Variants in LYRM4 observed in about 807,000 individuals in gnomAD.
LYRM4 encodes the protein LYR motif containing 4, also known as LYR motif-containing protein 4.
A neutral mutation model predicts 11.7 loss-of-function variants in LYRM4; 9 were observed. That is an observed-to-expected ratio of 0.77 (90% CI 0.46 to 1.34). The LOEUF (loss-of-function observed/expected upper bound fraction) is 1.34, where lower values mean the gene tolerates loss of function less well. Among genes scored for constraint, LYRM4 ranks in the 40% most tolerant of loss-of-function variants. The probability of loss-of-function intolerance (pLI) is 0.00; values close to 1 mark genes in which losing one functional copy is unlikely to be tolerated. For missense variants in LYRM4, 133 were observed against 112.5 expected, an observed-to-expected ratio of 1.18 and a Z score of -0.82; for synonymous variants, 42 against 40.4, an observed-to-expected ratio of 1.04 and a Z score of -0.15.
chr6:5,185,303 A>G (rs560501245), intron 2 of LYRM4, among the ~76,000 whole-genome samples: 1 of 152,304 alleles, frequency 6.6e-6, no homozygotes, highest in African/African-American at 2.4e-5. Context: ...GAAAGACAGA[A>G]AGCTGGCTAA....
At chr6:5,179,081 A>G (rs1759918299) in intron 2 of LYRM4, among the ~76,000 whole-genome samples, 1 of 147,426 alleles carries the variant, frequency 6.8e-6, no homozygotes, top group African/African-American at 2.5e-5. Flanking sequence ...AAAAAAAAAA[A>G]AAAAAAAAGA....
chr6:5,065,414 CTG>C, the LYRM4 span, among the ~76,000 whole-genome samples: 1 of 152,060 alleles, frequency 6.6e-6, no homozygotes, highest in Non-Finnish European at 1.5e-5. Flanking sequence ...TTTCAACAAA[CTG>C]AAATGCAAAA....
At chr6:5,113,842 C>T (rs1263302576) in intron 2 of LYRM4, among the ~76,000 whole-genome samples, 1 of 152,066 alleles carries the variant, frequency 6.6e-6, no homozygotes, top group African/African-American at 2.4e-5. Context: ...GCTGGGATTA[C>T]AGGCATGTGC....
chr6:5,115,281 C>T (rs1330994206), intron 2 of LYRM4, among the ~76,000 whole-genome samples: 2 of 152,166 alleles, frequency 1.3e-5, no homozygotes, highest in Non-Finnish European at 2.9e-5. Flanking sequence ...TCTTGCAAAA[C>T]TACTTTCCAG....
chr6:5,202,948 T>G (rs1490577636), intron 2 of LYRM4, among the ~76,000 whole-genome samples: 1 of 152,142 alleles, frequency 6.6e-6, no homozygotes, highest in Non-Finnish European at 1.5e-5. Context: ...CTGTGATAAG[T>G]GTGAGACAGA....
At chr6:5,148,265 G>T (rs1174559342) in intron 2 of LYRM4, 1 of 154,148 alleles carries the variant, frequency 6.5e-6, no homozygotes, top group Admixed American at 6.6e-5. Context: ...ACGCAGACTT[G>T]GTCCCCACCC....
intron 2 of LYRM4, among the ~76,000 whole-genome samples, chr6:5,176,854 GA>G (rs1174531383): frequency 3.9e-5 from 6 of 152,214 alleles, no homozygotes; most frequent in Admixed American, 1.3e-4. Flanking sequence ...GCATGAGGCA[GA>G]AGTATAAGTT....
intron 2 of LYRM4, among the ~76,000 whole-genome samples, chr6:5,191,357 A>G (rs1412219708): frequency 6.6e-6 from 1 of 152,230 alleles, no homozygotes; most frequent in Non-Finnish European, 1.5e-5. Flanking sequence ...AGCTCAGGGA[A>G]GCAATCTGAA....
intron 2 of LYRM4, among the ~76,000 whole-genome samples, chr6:5,164,906 T>C (rs1384911485): frequency 1.4e-5 from 2 of 144,026 alleles, no homozygotes; most frequent in African/African-American, 5.2e-5. Flanking sequence ...AGGCGGAGGT[T>C]GCAGTGAGCC....
At position 5,182,026 on chromosome 6, in the gene LYRM4, C is replaced by G. The variant is rs547661750; in HGVS notation, c.207+34592G>C. ...GAACCAAGCAAAAAAATACCTCCCC[C>G]CCAATCCCCAGACATACTTTGTAAT... On this transcript the variant is annotated intron_variant, in intron 2 of 2. Coordinates refer to ENST00000330636, the MANE Select transcript of LYRM4 (RefSeq NM_020408.6). Among the ~76,000 whole-genome samples the G allele has an allele frequency of 1.2e-4, 19 of 152,292 alleles. No individual in the cohort carries two copies. The South Asian group carries it at 3.7e-3, about 30-fold the overall frequency.
At chr6:5,142,420 A>G (rs1289356436) in intron 2 of LYRM4, among the ~76,000 whole-genome samples, 3 of 152,200 alleles carry the variant, frequency 2.0e-5, no homozygotes, top group African/African-American at 7.2e-5. Context: ...CCAATCTTCC[A>G]GCTGAGGTTC....
At chr6:5,108,387 T>C, downstream of LYRM4, 1 of 933,718 alleles carries the variant, frequency 1.1e-6, no homozygotes, top group Non-Finnish European at 1.3e-6. Flanking sequence ...AATATGTTCT[T>C]TCTATGTTTG....
the LYRM4 span, chr6:5,085,641 T>C: frequency 6.5e-7 from 1 of 1,548,704 alleles, no homozygotes; most frequent in Admixed American, 2.0e-5. Context: ...GTCCTGACGC[T>C]CAGCTAGGGG....
the LYRM4 span, among the ~76,000 whole-genome samples, chr6:5,091,013 G>A: frequency 6.6e-6 from 1 of 152,118 alleles, no homozygotes; most frequent in African/African-American, 2.4e-5. Context: ...TGGCATCATG[G>A]AACTGAATCA....
At chr6:5,196,135 A>G (rs1761038485) in intron 2 of LYRM4, among the ~76,000 whole-genome samples, 1 of 152,198 alleles carries the variant, frequency 6.6e-6, no homozygotes, top group Non-Finnish European at 1.5e-5. Context: ...ACGCTGGGGC[A>G]ACGTGGCTCC....
chr6:5,099,098 T>A (rs1762422514), downstream of LYRM4, among the ~76,000 whole-genome samples: 1 of 152,132 alleles, frequency 6.6e-6, no homozygotes, highest in Non-Finnish European at 1.5e-5. This position sits in a 1 kb window ranked among gnomAD's most constrained non-coding sequence, Gnocchi z 4.3. Flanking sequence ...GGCTTTCTTG[T>A]CTCTCTTCTT....
At chr6:5,077,292 C>T in the LYRM4 span, among the ~76,000 whole-genome samples, 1 of 152,226 alleles carries the variant, frequency 6.6e-6, no homozygotes, top group Non-Finnish European at 1.5e-5. Context: ...AACTGTCACA[C>T]GCGGTCATTT....
chr6:5,086,446 C>G, the LYRM4 span: 29 of 1,536,500 alleles, frequency 1.9e-5, no homozygotes, highest in African/African-American at 2.7e-5. Context: ...CGCCGACGAG[C>G]GCGGCGTCGC....
At chr6:5,251,197 G>T (rs955641963) in intron 1 of LYRM4, among the ~76,000 whole-genome samples, 2 of 152,188 alleles carry the variant, frequency 1.3e-5, no homozygotes, top group Non-Finnish European at 2.9e-5. Flanking sequence ...CACACTGTGA[G>T]TTTTCAAGAA....
Sources: allele counts gnomAD v4.1 joint callset (sites outside exome capture counted in the v4.1 genomes callset), GRCh38; gene constraint gnomAD v4.1.1; non-coding constraint Gnocchi (gnomAD v3.1); transcripts MANE v1.5; gene names NCBI Gene and HGNC (gene_info 2026-07-23, HGNC 2026-07-21).